GTPBP10: variants seen among roughly 807,000 people sequenced by gnomAD.
GTPBP10 encodes the protein GTP-binding protein 10.
In GTPBP10, 38 loss-of-function variants were observed where a neutral mutation model predicts 44.8. The observed-to-expected ratio is 0.85, with a 90% confidence interval of 0.65 to 1.11. GTPBP10 has a LOEUF of 1.11. GTPBP10 is among the 50% of genes most tolerant of loss of function. The pLI, the probability that GTPBP10 is intolerant of heterozygous loss-of-function variation, is 0.00. For synonymous variants in GTPBP10, 152 were observed against 150.6 expected (o/e 1.01, Z -0.07); for missense variants, 462 against 453.7 (o/e 1.02, Z -0.17).
At chr7:90,353,705 T>A (rs1264292956) in intron 2 of GTPBP10, among the ~76,000 whole-genome samples, 1 of 152,238 alleles carries the variant, frequency 6.6e-6, no homozygotes, top group African/African-American at 2.4e-5. Context: ...TACTAATTTT[T>A]TCTTTTATGA....
chr7:90,376,405 A>G (rs1345117267), intron 6 of GTPBP10, among the ~76,000 whole-genome samples: 2 of 152,164 alleles, frequency 1.3e-5, no homozygotes, highest in Non-Finnish European at 2.9e-5. Flanking sequence ...CACAACTACA[A>G]CTTGGGTTTG....
Position 90,377,562 on chromosome 7 carries a change from T to G in GTPBP10, c.647T>G (p.Met216Arg), listed in dbSNP as rs764183570. ...GAAGGAGCACATATGAACAAAGGAA[T>G]GGGCCACAAATTCCTCAAGCATATA... ...LIEGAHMNKG[M>R]GHKFLKHIER... The change falls in exon 7 of 10, where the codon ATG becomes AGG. Residue 216 changes from methionine (M) to arginine (R), a missense_variant. Transcript: ENST00000222511. 1 of 1,611,586 alleles carries G rather than the reference T, an allele frequency of 6.2e-7. No homozygotes were observed.
At chr7:90,367,350 T>C (rs1796154973) in intron 4 of GTPBP10, among the ~76,000 whole-genome samples, 1 of 152,222 alleles carries the variant, frequency 6.6e-6, no homozygotes, top group Non-Finnish European at 1.5e-5. Flanking sequence ...GTTAACCTTC[T>C]GTCTCGTTGA....
chr7:90,359,825 G>A (rs1395763231), intron 4 of GTPBP10, among the ~76,000 whole-genome samples: 1 of 152,140 alleles, frequency 6.6e-6, no homozygotes, highest in African/African-American at 2.4e-5. Context: ...ACTTTTTAAG[G>A]ATCGCCATTC....
rs140649217 is a variant in GTPBP10 at position 90,359,103 on chromosome 7, G to C, written c.464+3873G>C. Among the ~76,000 whole-genome samples, 3 of 151,940 alleles carry C rather than the reference G, an allele frequency of 2.0e-5. No homozygotes were observed. In the East Asian group the frequency reaches 5.8e-4, roughly 29 times the overall value. ...TCAAAAAACAATACGTGCTGACATA[G>C]ATGTGGGGAAAAGAGAACTCATACT... On this transcript the variant is annotated intron_variant, in intron 4 of 9. Transcript: ENST00000222511.
At chr7:90,363,347 C>T (rs1257975356) in intron 4 of GTPBP10, among the ~76,000 whole-genome samples, 2 of 152,184 alleles carry the variant, frequency 1.3e-5, no homozygotes, top group African/African-American at 4.8e-5. Context: ...CAAAATCTCT[C>T]AGCATTTGCT....
intron 4 of GTPBP10, among the ~76,000 whole-genome samples, chr7:90,357,959 AAAAG>A (rs1441379138): frequency 1.3e-5 from 2 of 151,898 alleles, no homozygotes; most frequent in African/African-American, 2.4e-5. Context: ...GCAAGAGAAA[AAAAG>A]GGCATTCAAA....
Position 90,386,657 on chromosome 7 carries a change from A to G in GTPBP10, c.*1503A>G, listed in dbSNP as rs1796530305. On this transcript the variant is annotated 3_prime_UTR_variant, in exon 10 of 10. Coordinates refer to ENST00000222511, the MANE Select transcript of GTPBP10 (RefSeq NM_033107.4). ...TGAGCCCAGGAGTTCATGCCTGAGCAACATAGCAAGACCCTGGCTCTCTAT... is the reference window on the plus strand; with the variant it reads ...TGAGCCCAGGAGTTCATGCCTGAGCGACATAGCAAGACCCTGGCTCTCTAT... The G allele has an allele frequency of 6.6e-6, 1 of 152,210 alleles. No homozygotes were observed. 9.4% of individuals were successfully genotyped at this position (152,210 alleles called of 1,614,324 possible). A position where few individuals can be genotyped will look rare whatever the true frequency, so the allele number is the denominator to read the frequency against.
In GTPBP10 at chr7:90,359,540, A is replaced by G. The variant is rs932968029; in HGVS notation, c.464+4310A>G. On this transcript the variant is annotated intron_variant, in intron 4 of 9. Coordinates refer to ENST00000222511, the MANE Select transcript of GTPBP10 (RefSeq NM_033107.4). ...CCACGTTTTCTTAATTCAGTCTATC[A>G]TTGATGGACATTTGGGTTGGTTCCA... Among the ~76,000 whole-genome samples the G allele has an allele frequency of 2.6e-5, 4 of 152,266 alleles. No individual in the cohort carries two copies. The South Asian group carries it at 8.3e-4, about 32-fold the overall frequency.
rs143318988 is a variant in GTPBP10, at chr7:90,382,299, A to G, written c.778-657A>G. Among the ~76,000 whole-genome samples, 221 of 152,290 alleles carry G rather than the reference A, an allele frequency of 1.5e-3. 2 individuals carry two copies. The highest frequency in any genetic ancestry group is 1.4e-3 in the Non-Finnish European group (96 of 68,016). ...TTTTAAAATTAAACTAAAATTTTGT[A>G]TAGAGATGGGGTCTCGTTATGTTGT... On this transcript the variant is annotated intron_variant, in intron 8 of 9. Coordinates refer to ENST00000222511, the MANE Select transcript of GTPBP10 (RefSeq NM_033107.4).
At position 90,375,838 on chromosome 7, in the gene GTPBP10, C is replaced by T. The variant is rs1796336410; in HGVS notation, c.591+1484C>T. Among the ~76,000 whole-genome samples, 2 of 151,838 alleles carry T rather than the reference C, an allele frequency of 1.3e-5. 1 individual carries two copies. Among genetic ancestry groups the T allele is most frequent in the African/African-American group, 4.8e-5 (2 of 41,296 alleles). On this transcript the variant is annotated intron_variant, in intron 6 of 9. Transcript: ENST00000222511. ...CAGCAATGATGAGTGATGCTTAGGCCCCAGAGATTTGAAACTAAATCTCTT... is the reference window on the plus strand; with the variant it reads ...CAGCAATGATGAGTGATGCTTAGGCTCCAGAGATTTGAAACTAAATCTCTT...
chr7:90,376,740 A>G lies in GTPBP10; in HGVS notation c.592-767A>G, dbSNP rs116684082. On this transcript the variant is annotated intron_variant, in intron 6 of 9. Transcript: ENST00000222511. The stretch of plus-strand genomic sequence containing the variant: ...AAGAATGGTCGATAATCCTGCTAGT[A>G]TAATATGAACAGAAAAGGAACAATT... Among the ~76,000 whole-genome samples the G allele has an allele frequency of 8.3e-3, 1,267 of 152,326 alleles. 15 individuals are homozygous for G. Among genetic ancestry groups the G allele is most frequent in the African/African-American group, 0.029 (1,188 of 41,566 alleles).
At position 90,370,462 on chromosome 7, in the gene GTPBP10, A is replaced by G. The variant is rs1418635006; in HGVS notation, c.465-1693A>G. ...TCAGGAACGGAAATCCAAGTGCCAC[A>G]TATTGTCACTTATAAGTGGGAGCTA... is the stretch of plus-strand genomic sequence containing the variant. On this transcript the variant is annotated intron_variant, in intron 4 of 9. Coordinates refer to ENST00000222511, the MANE Select transcript of GTPBP10 (RefSeq NM_033107.4). 2.0e-5 allele frequency among the ~76,000 whole-genome samples: 3 copies of G among 152,098 alleles called. 1 individual carries two copies. Among genetic ancestry groups the G allele is most frequent in the Non-Finnish European group, 4.4e-5 (3 of 68,028 alleles).
intron 4 of GTPBP10, among the ~76,000 whole-genome samples, chr7:90,370,454 A>C (rs1207555477): frequency 1.3e-5 from 2 of 152,116 alleles, no homozygotes; most frequent in African/African-American, 4.8e-5. Flanking sequence ...CGGAAATCCA[A>C]GTGCCACATA....
intron 4 of GTPBP10, among the ~76,000 whole-genome samples, chr7:90,367,285 T>A (rs567775094): frequency 2.0e-5 from 3 of 152,298 alleles, no homozygotes; most frequent in South Asian, 2.1e-4. Flanking sequence ...AGAGTTCTGT[T>A]GATGTCTATT....
rs534926329 is a variant in GTPBP10, at chr7:90,371,907, G to A, written c.465-248G>A. Among the ~76,000 whole-genome samples the A allele has an allele frequency of 4.0e-5, 6 of 151,804 alleles. No homozygotes were observed. In the South Asian group the frequency reaches 1.2e-3, roughly 32 times the overall value. On this transcript the variant is annotated intron_variant, in intron 4 of 9. Transcript: ENST00000222511. ...CTGTTTTTTCTATGACTTCCAATGG[G>A]TTTTTATTTTTAAATCATAATTGGA... is the stretch of plus-strand genomic sequence containing the variant.
rs761538770 is a variant in GTPBP10, at chr7:90,383,045, C to T, written c.867C>T (p.Phe289=). The change falls in exon 9 of 10, where the codon TTC becomes TTT. Residue 289 remains phenylalanine (F), a synonymous_variant. Coordinates refer to ENST00000222511, the MANE Select transcript of GTPBP10 (RefSeq NM_033107.4). The part of the protein sequence containing the change: ...KMDLPDAQDK[F]HELMSQLQNP... ...ACTTGCCAGATGCCCAAGATAAGTT[C>T]CATGAATTGATGAGCCAGCTCCAGA... is the stretch of plus-strand genomic sequence containing the variant. The T allele has an allele frequency of 1.3e-6, 2 of 1,589,646 alleles. No homozygotes were observed. Among genetic ancestry groups the T allele is most frequent in the African/African-American group, 1.3e-5 (1 of 74,652 alleles).
At chr7:90,349,617 C>G (rs546495275) in intron 1 of GTPBP10, among the ~76,000 whole-genome samples, 1 of 152,328 alleles carries the variant, frequency 6.6e-6, no homozygotes, top group South Asian at 2.1e-4. Flanking sequence ...GGGTTAGCAG[C>G]TTTATAGATA....
chr7:90,358,618 ATAGAT>A (rs1436673440), intron 4 of GTPBP10, among the ~76,000 whole-genome samples: 3 of 152,136 alleles, frequency 2.0e-5, no homozygotes, highest in African/African-American at 4.8e-5. Context: ...GAAAATTAAG[ATAGAT>A]TAAAGATTTT....
Sources: gnomAD v4.1 joint callset for allele counts (sites outside exome capture counted in the v4.1 genomes callset) on GRCh38, gnomAD v4.1.1 for gene constraint, MANE v1.5 for transcripts, NCBI Gene and HGNC (gene_info 2026-07-23, HGNC 2026-07-21) for gene names.